The following DACH2 variants were observed in gnomAD, a reference collection of about 807,000 sequenced individuals.
DACH2 encodes the protein dachshund family transcription factor 2, also known as dachshund homolog 2.
A neutral mutation model predicts 35.8 loss-of-function variants in DACH2; 17 were observed. The observed-to-expected ratio is 0.48, with a 90% CI of 0.33 to 0.71. The LOEUF is 0.71. DACH2 is among the 30% of genes least tolerant of loss of function. The pLI is 0.02. For missense variants in DACH2, 469 were observed against 472.7 expected (o/e 0.99, Z 0.07); for synonymous variants, 195 against 177.3 (o/e 1.10, Z -0.79).
At chrX:86,610,111 G>A (rs1270384515) in intron 3 of DACH2, among the ~76,000 whole-genome samples, 1 of 111,759 alleles carries the variant, frequency 8.9e-6, no homozygotes, top group Non-Finnish European at 1.9e-5. Context: ...GGACTAGCTA[G>A]GGACTAGAAT....
intron 3 of DACH2, among the ~76,000 whole-genome samples, chrX:86,643,663 A>G (rs1474966497): frequency 1.8e-5 from 2 of 111,450 alleles, no homozygotes; most frequent in Non-Finnish European, 3.8e-5. Flanking sequence ...AACAAAAAAG[A>G]AAACTTCAGG....
intron 4 of DACH2, among the ~76,000 whole-genome samples, chrX:86,692,910 C>T (rs1415664045): frequency 8.9e-6 from 1 of 111,950 alleles, no homozygotes; most frequent in East Asian, 2.8e-4. Context: ...CTCAGTGTTG[C>T]AGTGGTTACT....
At chrX:86,469,797 C>G (rs940060128) in intron 2 of DACH2, among the ~76,000 whole-genome samples, 3 of 109,771 alleles carry the variant, frequency 2.7e-5, no homozygotes, top group African/African-American at 9.9e-5. Flanking sequence ...ATGCATTCTA[C>G]TAGGCTTTCC....
At chrX:86,297,337 C>A (rs977797733) in intron 1 of DACH2, among the ~76,000 whole-genome samples, 4 of 111,065 alleles carry the variant, frequency 3.6e-5, no homozygotes, top group African/African-American at 1.3e-4. Flanking sequence ...ATAGCGAGTA[C>A]TTTTCTGTTT....
intron 3 of DACH2, among the ~76,000 whole-genome samples, chrX:86,546,344 CTTCT>C (rs1480650896): frequency 5.2e-5 from 4 of 76,703 alleles, no homozygotes; most frequent in African/African-American, 2.5e-4. Context: ...TCTTCCTCTT[CTTCT>C]TCTTCTTCCT....
At chrX:86,440,144 T>C (rs1337513780) in intron 2 of DACH2, among the ~76,000 whole-genome samples, 2 of 111,719 alleles carry the variant, frequency 1.8e-5, no homozygotes, top group African/African-American at 3.2e-5. Context: ...AGTTGATTGA[T>C]GGTTTCACTG....
rs1422736839 is a variant in DACH2, at chrX:86,594,007, A to T, written c.641-57029A>T. Among the ~76,000 whole-genome samples, 7 of 111,202 alleles carry T rather than the reference A, an allele frequency of 6.3e-5. No homozygotes were observed. The Admixed American group carries it at 6.7e-4, about 11-fold the overall frequency. On this transcript the variant is annotated intron_variant, in intron 3 of 11. Transcript: ENST00000373125. The stretch of plus-strand genomic sequence containing the variant: ...TTATTCTTTTAGAAAATTATTAATA[A>T]TTGATTCAATTTCTTTAATAAATAT...
rs1191908151 is a variant in DACH2, at chrX:86,589,846, G to C, written c.641-61190G>C. 3.6e-5 allele frequency among the ~76,000 whole-genome samples: 4 copies of C among 111,696 alleles called. No individual in the cohort carries two copies. In the South Asian group the frequency reaches 1.1e-3, roughly 31 times the overall value. On this transcript the variant is annotated intron_variant, in intron 3 of 11. Coordinates refer to ENST00000373125, the MANE Select transcript of DACH2 (RefSeq NM_053281.3). ...CAATATGCACTTAAGGTCTCTCCAT[G>C]TCTTTTCACATCTTATACCTCATTT... is the stretch of plus-strand genomic sequence containing the variant.
At chrX:86,154,811 A>T (rs910571024) in intron 1 of DACH2, among the ~76,000 whole-genome samples, 3 of 111,519 alleles carry the variant, frequency 2.7e-5, no homozygotes, top group African/African-American at 9.7e-5. Context: ...GTTCCCATAC[A>T]CTGCCAGCAA....
chrX:86,343,792 G>T (rs1187333992), intron 1 of DACH2, among the ~76,000 whole-genome samples: 1 of 110,987 alleles, frequency 9.0e-6, no homozygotes, highest in Non-Finnish European at 1.9e-5. Context: ...GTCCTTAGAA[G>T]ACATAATTTA....
intron 11 of DACH2, among the ~76,000 whole-genome samples, chrX:86,821,029 G>GT (rs1243836158): frequency 9.0e-6 from 1 of 111,338 alleles, no homozygotes; most frequent in Non-Finnish European, 1.9e-5. Flanking sequence ...TTATTGCCAT[G>GT]TATGTGATAT....
At chrX:86,405,917 G>A (rs991538588) in intron 2 of DACH2, among the ~76,000 whole-genome samples, 2 of 111,247 alleles carry the variant, frequency 1.8e-5, no homozygotes, top group Admixed American at 1.9e-4. Context: ...TGGTGGTGGC[G>A]GCAAGGAGAA....
chrX:86,466,977 G>T (rs1285967722), intron 2 of DACH2, among the ~76,000 whole-genome samples: 1 of 111,827 alleles, frequency 8.9e-6, no homozygotes, highest in African/African-American at 3.3e-5. Flanking sequence ...GCCTGTGATG[G>T]GAGGCACTGC....
At chrX:86,414,788 C>CT (rs934309062) in intron 2 of DACH2, among the ~76,000 whole-genome samples, 15 of 110,994 alleles carry the variant, frequency 1.4e-4, no homozygotes, top group Admixed American at 1.9e-4. Flanking sequence ...CTATTAGAAC[C>CT]TTTTTTTTAA....
At chrX:86,309,485 T>C in intron 1 of DACH2, among the ~76,000 whole-genome samples, 1 of 111,695 alleles carries the variant, frequency 9.0e-6, no homozygotes. Context: ...GTCTTTGTCA[T>C]AATATTTTTG....
chrX:86,300,535 TG>T (rs1156658831), intron 1 of DACH2, among the ~76,000 whole-genome samples: 1 of 40,260 alleles, frequency 2.5e-5, no homozygotes, highest in Non-Finnish European at 4.8e-5. Flanking sequence ...TGTTGTGGGG[TG>T]GGGGAAGGGA....
chrX:86,590,140 C>G (rs60474825), intron 3 of DACH2, among the ~76,000 whole-genome samples: 4 of 111,451 alleles, frequency 3.6e-5, no homozygotes, highest in African/African-American at 1.3e-4. Context: ...CTCACCGCTG[C>G]TAGTACCTTG....
intron 3 of DACH2, among the ~76,000 whole-genome samples, chrX:86,641,728 G>C (rs919296538): frequency 1.8e-5 from 2 of 111,905 alleles, no homozygotes; most frequent in Non-Finnish European, 3.8e-5. Flanking sequence ...CCTACAAAGG[G>C]ATTCCCATCA....
intron 1 of DACH2, among the ~76,000 whole-genome samples, chrX:86,367,907 C>T (rs747081367): frequency 5.0e-4 from 56 of 111,470 alleles, no homozygotes; most frequent in Admixed American, 5.0e-3. Context: ...CTGTTGCACA[C>T]GTCCTTTCCT....
Sources: allele counts gnomAD v4.1 joint callset (sites outside exome capture counted in the v4.1 genomes callset), GRCh38; gene constraint gnomAD v4.1.1; transcripts MANE v1.5; gene names NCBI Gene and HGNC (gene_info 2026-07-23, HGNC 2026-07-21).